Variants in IFTAP observed in about 807,000 individuals in gnomAD.
IFTAP encodes intraflagellar transport associated protein.
In IFTAP, 19 loss-of-function variants were observed where a neutral mutation model predicts 19.4. The observed-to-expected ratio is 0.98, with a 90% CI of 0.68 to 1.44. The LOEUF (loss-of-function observed/expected upper bound fraction) is 1.44. Ranked by LOEUF, IFTAP falls within the 40% of genes most tolerant of loss-of-function variation. The probability of loss-of-function intolerance (pLI) is 0.00; values close to 1 mark genes in which losing one functional copy is unlikely to be tolerated. For missense variants in IFTAP, 240 were observed against 253.6 expected (o/e 0.95, Z 0.36); for synonymous variants, 85 against 83.5 (o/e 1.02, Z -0.10).
chr11:36,609,881 A>G (rs1054328640), intron 1 of IFTAP, among the ~76,000 whole-genome samples, 200 bp from the exon 2 acceptor site: 1 of 152,124 alleles, frequency 6.6e-6, no homozygotes, highest in Admixed American at 6.5e-5. Flanking sequence ...CTGAAGCAAA[A>G]AATAAAATTG....
Position 36,612,146 on chromosome 11 carries a change from A to G in IFTAP, c.136+1907A>G, listed in dbSNP as rs1171851974. Among the ~76,000 whole-genome samples, 3 of 152,214 alleles carry G rather than the reference A, an allele frequency of 2.0e-5. No individual in the cohort carries two copies. The East Asian group carries it at 5.8e-4, about 29-fold the overall frequency. On this transcript the variant is annotated intron_variant, in intron 2 of 5. Coordinates refer to ENST00000334307, the MANE Select transcript of IFTAP (RefSeq NM_138787.4). ...TCTTATTCTGTTTTCGAATTCCAGT[A>G]TGATCATTGCATGCTGAGAAAGAAA...
intron 4 of IFTAP, 93 bp downstream of exon 4, chr11:36,636,210 A>AC: frequency 1.1e-6 from 1 of 900,650 alleles, no homozygotes; most frequent in Non-Finnish European, 1.8e-6. Context: ...GGCAATTCTT[A>AC]CCTCCACCTC....
At chr11:36,650,300 CT>C (rs1237810237) in intron 5 of IFTAP, among the ~76,000 whole-genome samples, 5 of 152,050 alleles carry the variant, frequency 3.3e-5, no homozygotes, top group Non-Finnish European at 7.4e-5. Context: ...CTAACTTTCT[CT>C]TAATTGCCTA....
intron 2 of IFTAP, among the ~76,000 whole-genome samples, chr11:36,617,976 T>C (rs1189175279): frequency 6.6e-6 from 1 of 152,058 alleles, no homozygotes; most frequent in Non-Finnish European, 1.5e-5. Flanking sequence ...GTTCTAGGGA[T>C]TAATGCTTAG....
At chr11:36,646,705 C>T (rs968716738) in intron 4 of IFTAP, among the ~76,000 whole-genome samples, 2 of 152,104 alleles carry the variant, frequency 1.3e-5, no homozygotes, top group African/African-American at 4.8e-5. Flanking sequence ...CCAGCTCTGC[C>T]GTTTTTAGCT....
At chr11:36,634,998 G>A (rs1852881124) in intron 3 of IFTAP, among the ~76,000 whole-genome samples, 1 of 152,094 alleles carries the variant, frequency 6.6e-6, no homozygotes, top group South Asian at 2.1e-4. Flanking sequence ...TCAAAATTTA[G>A]TAGTGAAACC....
intron 2 of IFTAP, among the ~76,000 whole-genome samples, chr11:36,621,402 T>C (rs1396746050): frequency 5.9e-5 from 9 of 151,858 alleles, no homozygotes; most frequent in Admixed American, 1.3e-4. Context: ...TTTTAGTGTC[T>C]TTTTTTTCCT....
In IFTAP at chr11:36,648,721, G is replaced by A. The variant is rs1565030986; in HGVS notation, c.498+566G>A. On this transcript the variant is annotated intron_variant, in intron 5 of 5. Transcript: ENST00000334307. ...ACATTGTCCTCACCTGCGTGTTCCAGGTCAGGTCATCATCGTACCTGGAGG... is the reference window on the plus strand; with the variant it reads ...ACATTGTCCTCACCTGCGTGTTCCAAGTCAGGTCATCATCGTACCTGGAGG... Among the ~76,000 whole-genome samples, 4 of 152,082 alleles carry A rather than the reference G, an allele frequency of 2.6e-5. No individual in the cohort carries two copies. The South Asian group carries it at 8.3e-4, about 31-fold the overall frequency.
chr11:36,604,825 ATGAT>A (rs1851634820), intron 1 of IFTAP, among the ~76,000 whole-genome samples: 1 of 152,120 alleles, frequency 6.6e-6, no homozygotes, highest in African/African-American at 2.4e-5. Context: ...TTTATTCTCT[ATGAT>A]TGGACTAGAT....
At chr11:36,626,990 A>G (rs1852539911) in intron 2 of IFTAP, among the ~76,000 whole-genome samples, 1 of 151,320 alleles carries the variant, frequency 6.6e-6, no homozygotes, top group South Asian at 2.1e-4. Flanking sequence ...GGTACTATTC[A>G]TACAACGGAC....
intron 2 of IFTAP, 105 bp from the exon 3 acceptor site, chr11:36,633,179 T>C: frequency 8.8e-6 from 10 of 1,137,196 alleles, no homozygotes; most frequent in Non-Finnish European, 1.1e-5. Flanking sequence ...TAGAGTTCTT[T>C]GAAAAGTATT....
At chr11:36,631,919 C>T (rs919001926) in intron 2 of IFTAP, among the ~76,000 whole-genome samples, 2 of 151,102 alleles carry the variant, frequency 1.3e-5, no homozygotes, top group Non-Finnish European at 2.9e-5. Context: ...AGCCATTCTT[C>T]TTTGTCTCCT....
intron 2 of IFTAP, among the ~76,000 whole-genome samples, chr11:36,614,504 A>C (rs1851995757): frequency 6.7e-6 from 1 of 148,708 alleles, no homozygotes; most frequent in Admixed American, 6.7e-5. Context: ...ACTGACTTCC[A>C]CAATGGTTGA....
At chr11:36,658,843 A>AC (rs1854102032) in intron 5 of IFTAP, among the ~76,000 whole-genome samples, 176 bp from the exon 6 acceptor site, 1 of 152,232 alleles carries the variant, frequency 6.6e-6, no homozygotes, top group South Asian at 2.1e-4. Flanking sequence ...AGAGGCTTAA[A>AC]TTAGGTCAAA....
At chr11:36,655,904 A>G (rs1853964055) in intron 5 of IFTAP, among the ~76,000 whole-genome samples, 2 of 152,182 alleles carry the variant, frequency 1.3e-5, no homozygotes, top group South Asian at 2.1e-4. Context: ...TGTTATTGTT[A>G]TGGTTAGTAC....
intron 4 of IFTAP, among the ~76,000 whole-genome samples, chr11:36,643,932 G>T (rs1475043196): frequency 2.6e-5 from 4 of 152,118 alleles, no homozygotes; most frequent in Admixed American, 2.6e-4. Flanking sequence ...GAGGACACAG[G>T]CATGGGCAAG....
chr11:36,629,120 A>AGCAT (rs1311611155), intron 2 of IFTAP, among the ~76,000 whole-genome samples: 1 of 151,406 alleles, frequency 6.6e-6, no homozygotes. Flanking sequence ...GATAACAAGG[A>AGCAT]GCATGTGATC....
intron 2 of IFTAP, among the ~76,000 whole-genome samples, chr11:36,626,591 T>A (rs939650398): frequency 2.0e-5 from 3 of 151,270 alleles, no homozygotes; most frequent in African/African-American, 7.4e-5. Flanking sequence ...TTCCTGACAG[T>A]GAGATCCCTG....
rs377614322 is a variant in IFTAP at position 36,594,506 on chromosome 11, C to T, written c.-110C>T. The T allele has an allele frequency of 3.0e-6, 1 of 338,972 alleles. No individual in the cohort carries two copies. The highest frequency in any genetic ancestry group is 2.1e-5 in the African/African-American group (1 of 47,920). 21.0% of individuals were successfully genotyped at this position (338,972 alleles called of 1,614,324 possible). On this transcript the variant is annotated 5_prime_UTR_variant, in exon 1 of 6. Transcript: ENST00000334307. ...CACATTTCCCAAGAATCCGTTCTCT[C>T]TGGGATGTGTAGCTTTGGAAATCTG...
Sources: allele counts gnomAD v4.1 joint callset (sites outside exome capture counted in the v4.1 genomes callset), GRCh38; gene constraint gnomAD v4.1.1; transcripts MANE v1.5; gene names NCBI Gene and HGNC (gene_info 2026-07-23, HGNC 2026-07-21).